The following PARD3B variants were observed in gnomAD, a reference collection of about 807,000 sequenced individuals.
The protein encoded by PARD3B is par-3 family cell polarity regulator beta, also known as partitioning defective 3 homolog B.
In PARD3B, 103 loss-of-function variants were observed where a neutral mutation model predicts 130.2. The ratio of observed to expected loss-of-function variants is 0.79; its 90% CI spans 0.67 to 0.93. The LOEUF is 0.93. Ranked by LOEUF, PARD3B falls within the 40% of genes least tolerant of loss-of-function variation. The pLI is 0.00. For synonymous variants in PARD3B, 583 were observed against 553.2 expected (o/e 1.05, Z -0.76); for missense variants, 1,609 against 1,499.2 (o/e 1.07, Z -1.21).
At chr2:205,315,405 C>T (rs1035028600) in intron 18 of PARD3B, among the ~76,000 whole-genome samples, 2 of 152,264 alleles carry the variant, frequency 1.3e-5, no homozygotes, top group East Asian at 1.9e-4. Context: ...TCATAGTATT[C>T]TGCCTTGGGA....
intron 19 of PARD3B, among the ~76,000 whole-genome samples, chr2:205,434,724 T>C (rs1282282995): frequency 6.6e-6 from 1 of 152,076 alleles, no homozygotes; most frequent in Non-Finnish European, 1.5e-5. Flanking sequence ...AAAAGTTCAG[T>C]GAACAATAAT....
At chr2:205,357,523 T>C (rs549654923) in intron 18 of PARD3B, among the ~76,000 whole-genome samples, 1 of 152,256 alleles carries the variant, frequency 6.6e-6, no homozygotes, top group African/African-American at 2.4e-5. Context: ...ACCAGATTAT[T>C]TGAGCAGGGC....
intron 1 of PARD3B, among the ~76,000 whole-genome samples, chr2:204,598,441 C>T (rs1340340213): frequency 6.6e-6 from 1 of 152,116 alleles, no homozygotes; most frequent in Admixed American, 6.5e-5. Flanking sequence ...GTTTCTCCTA[C>T]TGGCTGTGTA....
intron 2 of PARD3B, among the ~76,000 whole-genome samples, chr2:204,771,275 G>A (rs2041364429): frequency 1.3e-5 from 2 of 151,950 alleles, no homozygotes; most frequent in Admixed American, 1.3e-4. Context: ...AGCATGTCTT[G>A]GGTAGCACTG....
intron 19 of PARD3B, among the ~76,000 whole-genome samples, chr2:205,402,791 A>T (rs2046296980): frequency 6.6e-6 from 1 of 152,204 alleles, no homozygotes; most frequent in Non-Finnish European, 1.5e-5. Context: ...CACTTAGGCC[A>T]CTTCCCACAC....
chr2:204,972,884 T>C (rs1691828852), intron 3 of PARD3B, among the ~76,000 whole-genome samples: 1 of 152,216 alleles, frequency 6.6e-6, no homozygotes, highest in Non-Finnish European at 1.5e-5. Flanking sequence ...GCAGATTGCT[T>C]TTAATAGTAA....
chr2:205,119,326 G>T (rs577603872), intron 7 of PARD3B, among the ~76,000 whole-genome samples: 2 of 152,056 alleles, frequency 1.3e-5, no homozygotes, highest in East Asian at 3.9e-4. Context: ...GTTTTTCTTG[G>T]GCTATGGGTC....
At chr2:205,055,143 C>A (rs1699554129) in intron 4 of PARD3B, among the ~76,000 whole-genome samples, 1 of 152,114 alleles carries the variant, frequency 6.6e-6, no homozygotes, top group Non-Finnish European at 1.5e-5. Flanking sequence ...TGATAAAAAT[C>A]ATAAAATCTA....
At chr2:204,588,757 C>T (rs895606813) in intron 1 of PARD3B, among the ~76,000 whole-genome samples, 1 of 152,152 alleles carries the variant, frequency 6.6e-6, no homozygotes, top group Non-Finnish European at 1.5e-5. Context: ...AGAGTAGTCA[C>T]TGCAGAAATC....
At position 205,440,198 on chromosome 2, in the gene PARD3B, T is replaced by C. The variant is rs184470164; in HGVS notation, c.2742-172T>C. On this transcript the variant is annotated intron_variant, in intron 19 of 22. Coordinates refer to ENST00000406610, the MANE Select transcript of PARD3B (RefSeq NM_001302769.2). The surrounding 1 kb of genome is among the most constrained non-coding windows in gnomAD (Gnocchi z 4.2). The stretch of plus-strand genomic sequence containing the variant: ...CCCTGTAACAAATAAAGATCAGATA[T>C]ATAAAATTAATCTTCTTATGCTGTT... 2.6e-5 allele frequency among the ~76,000 whole-genome samples: 4 copies of C among 152,328 alleles called. No homozygotes were observed. The East Asian group carries it at 7.7e-4, about 29-fold the overall frequency.
chr2:204,872,282 A>G (rs1014352812), intron 2 of PARD3B, among the ~76,000 whole-genome samples: 8 of 152,060 alleles, frequency 5.3e-5, no homozygotes, highest in Non-Finnish European at 1.2e-4. Flanking sequence ...AGTTATATAT[A>G]TAACATACAT....
chr2:204,603,527 T>C (rs766001556), intron 1 of PARD3B, among the ~76,000 whole-genome samples: 2 of 152,142 alleles, frequency 1.3e-5, no homozygotes, highest in Non-Finnish European at 2.9e-5. Context: ...AATGAAAACA[T>C]TGAAAACATT....
rs140661343 is a variant in PARD3B at position 205,536,274 on chromosome 2, A to T, written c.3181-17050A>T. On this transcript the variant is annotated intron_variant, in intron 21 of 22. Transcript: ENST00000406610. ...TTGACTTTTGATTTTTTAAGAAATG[A>T]TTCGATTAACTTTTGAACCACCTGC... Among the ~76,000 whole-genome samples the T allele has an allele frequency of 4.8e-3, 738 of 152,280 alleles. 16 individuals carry two copies. The East Asian group carries it at 0.068, about 14-fold the overall frequency.
chr2:204,876,815 G>A (rs2045862628), intron 2 of PARD3B, among the ~76,000 whole-genome samples: 1 of 152,074 alleles, frequency 6.6e-6, no homozygotes, highest in East Asian at 1.9e-4. Flanking sequence ...CCTTAATTAG[G>A]AGGTATAAGT....
chr2:205,459,797 G>A (rs764034233), intron 20 of PARD3B, among the ~76,000 whole-genome samples: 3 of 152,120 alleles, frequency 2.0e-5, no homozygotes, highest in Non-Finnish European at 4.4e-5. Context: ...CTTCTCTCGT[G>A]GCTCATGTCT....
chr2:205,440,773 A>G lies in PARD3B; in HGVS notation c.3044+101A>G. ...AAAAATGTCTCCTTCAATCAATTAA[A>G]ACTGAAACGAGTCAGTACCCTAGAC... On this transcript the variant is annotated intron_variant, in intron 20 of 22. Transcript: ENST00000406610. This position sits in a 1 kb window ranked among gnomAD's most constrained non-coding sequence, Gnocchi z 4.2. The G allele has an allele frequency of 2.4e-6, 3 of 1,239,582 alleles. No individual in the cohort carries two copies. The highest frequency in any genetic ancestry group is 2.5e-5 in the East Asian group (1 of 39,838). 76.8% of individuals were successfully genotyped at this position (1,239,582 alleles called of 1,614,324 possible).
intron 13 of PARD3B, among the ~76,000 whole-genome samples, chr2:205,184,330 A>T (rs1243447402): frequency 6.6e-6 from 1 of 152,238 alleles, no homozygotes; most frequent in Non-Finnish European, 1.5e-5. Context: ...TTCAGGGACA[A>T]ATCAGGTACA....
At chr2:205,069,569 T>C (rs761029447) in intron 4 of PARD3B, among the ~76,000 whole-genome samples, 1 of 152,050 alleles carries the variant, frequency 6.6e-6, no homozygotes, top group African/African-American at 2.4e-5. Flanking sequence ...TTTTAGCATA[T>C]ATATATTTTA....
chr2:204,707,060 G>C (rs1284755199), intron 2 of PARD3B, among the ~76,000 whole-genome samples: 6 of 152,170 alleles, frequency 3.9e-5, no homozygotes, highest in Non-Finnish European at 8.8e-5. Flanking sequence ...AAAAGTAGCA[G>C]GATTTTTTTG....
Sources: allele counts gnomAD v4.1 joint callset (sites outside exome capture counted in the v4.1 genomes callset), GRCh38; gene constraint gnomAD v4.1.1; non-coding constraint Gnocchi (gnomAD v3.1); transcripts MANE v1.5; gene names NCBI Gene and HGNC (gene_info 2026-07-23, HGNC 2026-07-21).